Variants in ARSK observed in about 807,000 individuals in gnomAD.
The protein encoded by ARSK is arylsulfatase K.
Under a neutral mutation model 53.2 loss-of-function variants are expected in ARSK, and 37 were observed. That is an observed-to-expected ratio of 0.70 (90% CI 0.54 to 0.92). The LOEUF is 0.92. Ranked by LOEUF, ARSK falls within the 40% of genes least tolerant of loss-of-function variation. The pLI is 0.00. For missense variants in ARSK, 613 were observed against 643.0 expected (o/e 0.95, Z 0.51); for synonymous variants, 208 against 223.2 (o/e 0.93, Z 0.61).
intron 3 of ARSK, among the ~76,000 whole-genome samples, chr5:95,581,334 G>C (rs1290803148): frequency 1.3e-5 from 2 of 152,150 alleles, no homozygotes; most frequent in African/African-American, 4.8e-5. Context: ...CACTGTTATA[G>C]CAAAAGATGC....
At chr5:95,560,609 T>C (rs144261785) in intron 1 of ARSK, among the ~76,000 whole-genome samples, 7 of 151,964 alleles carry the variant, frequency 4.6e-5, no homozygotes, top group Admixed American at 1.3e-4. Flanking sequence ...AATGATCTTT[T>C]AAACAAATGG....
intron 5 of ARSK, among the ~76,000 whole-genome samples, chr5:95,590,332 C>T (rs747599694): frequency 2.0e-4 from 30 of 152,026 alleles, no homozygotes; most frequent in African/African-American, 2.9e-4. Context: ...ATTGTTGAAA[C>T]GTAAAGGTCT....
intron 6 of ARSK, among the ~76,000 whole-genome samples, chr5:95,599,310 G>T (rs1167637710): frequency 6.6e-6 from 1 of 152,168 alleles, no homozygotes; most frequent in African/African-American, 2.4e-5. Context: ...AAGTATTAAA[G>T]GTTATTAAAA....
At chr5:95,580,820 G>A in intron 3 of ARSK, 1 of 832,238 alleles carries the variant, frequency 1.2e-6, no homozygotes, top group South Asian at 1.5e-5. Context: ...TTCATCTACT[G>A]AATACATCAC....
At chr5:95,582,032 A>G (rs1301896307) in intron 3 of ARSK, among the ~76,000 whole-genome samples, 2 of 152,154 alleles carry the variant, frequency 1.3e-5, no homozygotes, top group South Asian at 2.1e-4. Flanking sequence ...ATGAATTGCA[A>G]TTTCTCTTAA....
At chr5:95,575,231 T>C (rs1748905307) in intron 3 of ARSK, among the ~76,000 whole-genome samples, 1 of 152,196 alleles carries the variant, frequency 6.6e-6, no homozygotes, top group African/African-American at 2.4e-5. Context: ...AGTACCATGC[T>C]ATTTTGGTTA....
At chr5:95,599,879 T>C (rs554647340) in intron 6 of ARSK, among the ~76,000 whole-genome samples, 13 of 152,328 alleles carry the variant, frequency 8.5e-5, no homozygotes, top group South Asian at 4.1e-4. Flanking sequence ...TTGGTTTAAT[T>C]TCTAACATTA....
chr5:95,597,547 G>A (rs376774847), intron 6 of ARSK, among the ~76,000 whole-genome samples: 1 of 152,156 alleles, frequency 6.6e-6, no homozygotes, highest in African/African-American at 2.4e-5. Flanking sequence ...TACCAACTGC[G>A]TAATCTTGGG....
At chr5:95,572,541 G>A (rs1481356680) in intron 3 of ARSK, among the ~76,000 whole-genome samples, 1 of 152,258 alleles carries the variant, frequency 6.6e-6, no homozygotes, top group East Asian at 1.9e-4. Context: ...CACTTTGGGA[G>A]GCCGAGGCGG....
intron 3 of ARSK, among the ~76,000 whole-genome samples, chr5:95,577,466 A>G (rs773550971): frequency 4.6e-5 from 7 of 152,214 alleles, no homozygotes; most frequent in Non-Finnish European, 7.3e-5. Context: ...GGAAATACCA[A>G]TTTGTTAGCT....
Position 95,555,426 on chromosome 5 carries a change from A to G in ARSK, c.126+22A>G, listed in dbSNP as rs1292885579. 1 of 1,582,226 alleles carries G rather than the reference A, an allele frequency of 6.3e-7. No homozygotes were observed. The highest frequency in any genetic ancestry group is 1.1e-5 in the South Asian group (1 of 89,398). On this transcript the variant is annotated intron_variant, in intron 1 of 7. Coordinates refer to ENST00000380009, the MANE Select transcript of ARSK (RefSeq NM_198150.3). The surrounding 1 kb of genome is among the most constrained non-coding windows in gnomAD (Gnocchi z 4.0). The stretch of plus-strand genomic sequence containing the variant: ...CTTCGTAAGTACCGCGAGGCAGGGG[A>G]GGGGCGCCCCGCTGGGGATCGGCGA...
At chr5:95,602,094 A>G (rs1368931648) in intron 7 of ARSK, among the ~76,000 whole-genome samples, 2 of 152,176 alleles carry the variant, frequency 1.3e-5, no homozygotes, top group Non-Finnish European at 2.9e-5. Flanking sequence ...CTGAACCAGC[A>G]TAAGGAAGTC....
chr5:95,582,786 T>C (rs2112432628), intron 3 of ARSK, 130 bp from the exon 4 acceptor site: 1 of 867,254 alleles, frequency 1.2e-6, no homozygotes, highest in South Asian at 3.0e-5. Flanking sequence ...AGATCTAATA[T>C]AGTTATTCTG....
chr5:95,604,298 G>T lies in ARSK; in HGVS notation c.*772G>T, dbSNP rs929010832. On this transcript the variant is annotated 3_prime_UTR_variant, in exon 8 of 8. Coordinates refer to ENST00000380009, the MANE Select transcript of ARSK (RefSeq NM_198150.3). Reference sequence around the variant, plus strand: ...ATTTTGTTACTGTTTTATTTTAATAGGTAATATATATACAGGGTAAAAGCT... The same window carrying T: ...ATTTTGTTACTGTTTTATTTTAATATGTAATATATATACAGGGTAAAAGCT... The T allele has an allele frequency of 2.0e-5, 3 of 152,098 alleles. No individual in the cohort carries two copies. The highest frequency in any genetic ancestry group is 2.9e-5 in the Non-Finnish European group (2 of 68,024). The allele number at this position is 152,098 out of a possible 1,614,324, so 9.4% of individuals were successfully genotyped here.
chr5:95,590,147 A>G (rs991577415), intron 5 of ARSK, among the ~76,000 whole-genome samples: 2 of 152,216 alleles, frequency 1.3e-5, no homozygotes, highest in Non-Finnish European at 2.9e-5. Context: ...AGAGCAGGGA[A>G]TGGTGCTTTG....
chr5:95,592,905 A>G (rs1312003145), intron 6 of ARSK, among the ~76,000 whole-genome samples: 1 of 152,102 alleles, frequency 6.6e-6, no homozygotes, highest in Non-Finnish European at 1.5e-5. Context: ...GTTTCCCTTT[A>G]TCCCAAAGTA....
chr5:95,600,837 T>C lies in ARSK; in HGVS notation c.1097-10T>C, dbSNP rs1382743257. ...CTATTTTAAGATATTTGGTTATTTT[T>C]GTTACATAGATATTGCTGGAATTCC... is the stretch of plus-strand genomic sequence containing the variant. On this transcript the variant is annotated splice_polypyrimidine_tract_variant and intron_variant, in intron 6 of 7. Coordinates refer to ENST00000380009, the MANE Select transcript of ARSK (RefSeq NM_198150.3). The C allele has an allele frequency of 6.2e-7, 1 of 1,604,746 alleles. No homozygotes were observed. Among genetic ancestry groups the C allele is most frequent in the South Asian group, 1.1e-5 (1 of 90,826 alleles).
At chr5:95,574,694 A>AT (rs138669814) in intron 3 of ARSK, among the ~76,000 whole-genome samples, 23,620 of 151,852 alleles carry the variant, frequency 0.16, 2,545 homozygotes, top group African/African-American at 0.3. Context: ...CGATTATTAG[A>AT]TTTTTTTCCT....
intron 3 of ARSK, 149 bp downstream of exon 3, chr5:95,568,198 G>C: frequency 1.2e-6 from 1 of 859,140 alleles, no homozygotes; most frequent in Non-Finnish European, 1.7e-6. Flanking sequence ...TGAAATTTTA[G>C]CTTTCTTTCA....
Sources: gnomAD v4.1 joint callset for allele counts (sites outside exome capture counted in the v4.1 genomes callset) on GRCh38, gnomAD v4.1.1 for gene constraint, Gnocchi (gnomAD v3.1) non-coding constraint, MANE v1.5 for transcripts, NCBI Gene and HGNC (gene_info 2026-07-23, HGNC 2026-07-21) for gene names.